Variants in KLHDC2 observed in about 807,000 individuals in gnomAD.
KLHDC2 encodes the protein kelch domain containing 2.
A neutral mutation model predicts 62.3 loss-of-function variants in KLHDC2; 38 were observed. The observed-to-expected ratio is 0.61, with a 90% CI of 0.47 to 0.80. KLHDC2 has a LOEUF of 0.80. Ranked by LOEUF, KLHDC2 falls within the 30% of genes least tolerant of loss-of-function variation. The pLI, the probability that KLHDC2 is intolerant of heterozygous loss-of-function variation, is 0.00. For synonymous variants in KLHDC2, 159 were observed against 161.0 expected (o/e 0.99, Z 0.09); for missense variants, 430 against 495.3 (o/e 0.87, Z 1.25).
chr14:49,778,525 G>C (rs1325882559), intron 6 of KLHDC2, 31 bp downstream of exon 6: 1 of 831,200 alleles, frequency 1.2e-6, no homozygotes, highest in African/African-American at 1.8e-5. Context: ...GAATTGTTAA[G>C]GATACTTAGA....
chr14:49,775,775 C>T (rs1889760498), intron 3 of KLHDC2, among the ~76,000 whole-genome samples: 7 of 151,998 alleles, frequency 4.6e-5, no homozygotes, highest in Admixed American at 4.6e-4. Flanking sequence ...TACAGGCATG[C>T]ATCACTACGC....
chr14:49,780,401 C>A, intron 9 of KLHDC2, 79 bp downstream of exon 9: 1 of 963,004 alleles, frequency 1.0e-6, no homozygotes, highest in Non-Finnish European at 1.7e-6. Context: ...CTATTAGAGA[C>A]TGATGAGACG....
Position 49,784,888 on chromosome 14 carries a change from T to TTAA in KLHDC2, c.*1935_*1936insTAA. ...ACTGCTAACATTTTAAATTGTACTGTCAGTCTCCACATTCCTTTTCTGAAG... is the reference window on the plus strand; with the variant it reads ...ACTGCTAACATTTTAAATTGTACTGTTAACAGTCTCCACATTCCTTTTCTGAAG... On this transcript the variant is annotated 3_prime_UTR_variant, in exon 13 of 13. Transcript: ENST00000298307. The TTAA allele has an allele frequency of 3.9e-6, 6 of 1,545,836 alleles. No homozygotes were observed. The highest frequency in any genetic ancestry group is 4.5e-6 in the Non-Finnish European group (5 of 1,120,314).
intron 3 of KLHDC2, among the ~76,000 whole-genome samples, chr14:49,776,632 A>G (rs8013000): frequency 0.78 from 118,307 of 151,914 alleles, 46,520 homozygotes; most frequent in East Asian, 0.98. Flanking sequence ...TAAAATAAAT[A>G]TCAGGGCTGG....
chr14:49,778,621 G>T, intron 6 of KLHDC2, 127 bp downstream of exon 6: 1 of 583,402 alleles, frequency 1.7e-6, no homozygotes, highest in Non-Finnish European at 3.0e-6. Flanking sequence ...TTGTTTTCTG[G>T]GGAGAAGATC....
At position 49,780,770 on chromosome 14, in the gene KLHDC2, A is replaced by G; in HGVS notation, c.951A>G (p.Lys317=). 6.4e-7 allele frequency: 1 copy of G among 1,572,838 alleles called. No homozygotes were observed. ...WIQFNHPYTE[K]PRLWHTACAS... is the part of the protein sequence containing the mutation. ...AATTTAATCATCCATATACCGAAAA[A>G]CCAAGGTATTTAAAAGCAATTCATA... Residue 317 remains lysine, a synonymous_variant, in exon 10 of 13, where the codon AAA becomes AAG. Coordinates refer to ENST00000298307, the MANE Select transcript of KLHDC2 (RefSeq NM_014315.3).
chr14:49,776,703 G>A (rs962269792), intron 3 of KLHDC2, among the ~76,000 whole-genome samples: 3 of 152,044 alleles, frequency 2.0e-5, no homozygotes, highest in Non-Finnish European at 4.4e-5. Flanking sequence ...CACATCACTT[G>A]AGGCCAGGAG....
In KLHDC2 at chr14:49,778,514, T is replaced by C. The variant is rs1255667429; in HGVS notation, c.633+20T>C. The C allele has an allele frequency of 8.0e-7, 1 of 1,243,938 alleles. No homozygotes were observed. The highest frequency in any genetic ancestry group is 1.1e-6 in the Non-Finnish European group (1 of 870,330). 77.1% of individuals were successfully genotyped at this position (1,243,938 alleles called of 1,614,324 possible). A position where few individuals can be genotyped will look rare whatever the true frequency, so the allele number is the denominator to read the frequency against. On this transcript the variant is annotated intron_variant, in intron 6 of 12. Coordinates refer to ENST00000298307, the MANE Select transcript of KLHDC2 (RefSeq NM_014315.3). ...ACTACTGTGAGTTACTAAAGAATAATGAATTGTTAAGGATACTTAGAGGCA... is the reference window on the plus strand; with the variant it reads ...ACTACTGTGAGTTACTAAAGAATAACGAATTGTTAAGGATACTTAGAGGCA...
chr14:49,772,882 G>C (rs1223495554), intron 2 of KLHDC2, among the ~76,000 whole-genome samples: 3 of 152,110 alleles, frequency 2.0e-5, no homozygotes, highest in African/African-American at 7.2e-5. Flanking sequence ...CCTGAACCCG[G>C]GAGGCAGAGG....
chr14:49,776,845 G>GGC (rs35702257), intron 3 of KLHDC2, among the ~76,000 whole-genome samples: 1 of 151,552 alleles, frequency 6.6e-6, no homozygotes, highest in Non-Finnish European at 1.5e-5. Context: ...CTTGAACCCA[G>GGC]GGCAGAAATT....
intron 4 of KLHDC2, 34 bp from the exon 5 acceptor site, chr14:49,778,144 T>A (rs1336824629): frequency 7.1e-7 from 1 of 1,417,156 alleles, no homozygotes; most frequent in East Asian, 2.3e-5. Context: ...TATGGGTATT[T>A]GAATTTTTAG....
intron 6 of KLHDC2, among the ~76,000 whole-genome samples, chr14:49,779,042 GGTAGAAGT>G (rs1455249411): frequency 6.6e-6 from 1 of 152,038 alleles, no homozygotes; most frequent in Non-Finnish European, 1.5e-5. Context: ...CACTTTACGT[GGTAGAAGT>G]GTTTCAGATT....
At position 49,780,233 on chromosome 14, in the gene KLHDC2, C is replaced by T; in HGVS notation, c.794C>T (p.Pro265Leu). 2 of 1,610,392 alleles carry T rather than the reference C, an allele frequency of 1.2e-6. No individual in the cohort carries two copies. Among genetic ancestry groups the T allele is most frequent in the Non-Finnish European group, 1.7e-6 (2 of 1,176,730 alleles). The change falls in exon 9 of 13, where the codon CCA becomes CTA. Residue 265 changes from proline (P) to leucine (L), a missense_variant. Pro to Leu is a moderately conservative substitution (Grantham distance 98). Coordinates refer to ENST00000298307, the MANE Select transcript of KLHDC2 (RefSeq NM_014315.3). The part of the protein sequence containing the change: ...WNELIPQGIC[P>L]VGRSWHSLTP... Reference sequence around the variant, plus strand: ...TTCAGAATTCCACAAGGCATATGCCCAGTTGGTCGATCTTGGCACTCACTA... The same window carrying T: ...TTCAGAATTCCACAAGGCATATGCCTAGTTGGTCGATCTTGGCACTCACTA...
chr14:49,784,477 T>C lies in KLHDC2; in HGVS notation c.*1524T>C, dbSNP rs535056227. 10 of 583,618 alleles carry C rather than the reference T, an allele frequency of 1.7e-5. No individual in the cohort carries two copies. In the South Asian group the frequency reaches 2.2e-4, roughly 13 times the overall value. The allele number at this position is 583,618 out of a possible 1,614,324, so 36.2% of individuals were successfully genotyped here. ...AGACAGTGTTTCCTCTATATAAAAC[T>C]GGGAAAAAACAAGAAGTAAGTCCTT... is the stretch of plus-strand genomic sequence containing the variant. On this transcript the variant is annotated 3_prime_UTR_variant, in exon 13 of 13. Coordinates refer to ENST00000298307, the MANE Select transcript of KLHDC2 (RefSeq NM_014315.3).
rs1418221074 is a variant in KLHDC2, at chr14:49,776,302, C to A, written c.352-1537C>A. Among the ~76,000 whole-genome samples the A allele has an allele frequency of 2.6e-5, 4 of 152,230 alleles. No homozygotes were observed. The South Asian group carries it at 8.3e-4, about 32-fold the overall frequency. On this transcript the variant is annotated intron_variant, in intron 3 of 12. Coordinates refer to ENST00000298307, the MANE Select transcript of KLHDC2 (RefSeq NM_014315.3). Reference sequence around the variant, plus strand: ...AGCTGTGGTTTTATGGAGGTAGTTACAGAAACAGTAGTAGTTTGTCGAGTG... The same window carrying A: ...AGCTGTGGTTTTATGGAGGTAGTTAAAGAAACAGTAGTAGTTTGTCGAGTG...
At position 49,768,407 on chromosome 14, in the gene KLHDC2, C is replaced by G; in HGVS notation, c.-62C>G. The stretch of plus-strand genomic sequence containing the variant: ...GCCGCTGTGCATTTCTCTCCTTTTC[C>G]TTTGTTTTTTTGGCCCCTCGCGGGT... On this transcript the variant is annotated 5_prime_UTR_variant, in exon 1 of 13. Coordinates refer to ENST00000298307, the MANE Select transcript of KLHDC2 (RefSeq NM_014315.3). The G allele has an allele frequency of 5.1e-6, 8 of 1,560,302 alleles. No homozygotes were observed. In the South Asian group the frequency reaches 9.4e-5, roughly 18 times the overall value.
chr14:49,774,090 G>A (rs1247643981), intron 2 of KLHDC2, among the ~76,000 whole-genome samples: 1 of 152,174 alleles, frequency 6.6e-6, no homozygotes, highest in Non-Finnish European at 1.5e-5. Context: ...GGCACTACCT[G>A]TTTGTAGTGT....
At position 49,771,590 on chromosome 14, in the gene KLHDC2, TTAGAG is replaced by T. The variant is rs778745110; in HGVS notation, c.154-1_157del. The T allele has an allele frequency of 2.0e-5, 27 of 1,333,896 alleles. No homozygotes were observed. The highest frequency in any genetic ancestry group is 2.9e-5 in the African/African-American group (2 of 69,090). 82.6% of individuals were successfully genotyped at this position (1,333,896 alleles called of 1,614,324 possible). A position where few individuals can be genotyped will look rare whatever the true frequency, so the allele number is the denominator to read the frequency against. On this transcript the variant is annotated splice_acceptor_variant and splice_polypyrimidine_tract_variant and coding_sequence_variant and intron_variant, in exon 2 of 13. Transcript: ENST00000298307. LOFTEE classifies it high-confidence loss of function. ...TTTATATTTACAATTTTTTTTATTCTTAGAGTAATCAAGTCAGAGGATTATATGAC... is the reference window on the plus strand; with the variant it reads ...TTTATATTTACAATTTTTTTTATTCTTAATCAAGTCAGAGGATTATATGAC...
intron 2 of KLHDC2, among the ~76,000 whole-genome samples, chr14:49,773,412 T>TA (rs1889704931): frequency 3.4e-4 from 1 of 2,954 alleles, no homozygotes; most frequent in Non-Finnish European, 1.2e-3. Context: ...AGACTCCATC[T>TA]CAAAAAAAAA....
Sources: gnomAD v4.1 joint callset for allele counts (sites outside exome capture counted in the v4.1 genomes callset) on GRCh38, gnomAD v4.1.1 for gene constraint, MANE v1.5 for transcripts, NCBI Gene and HGNC (gene_info 2026-07-23, HGNC 2026-07-21) for gene names.